EIF4EBP1: variants seen among roughly 807,000 people sequenced by gnomAD.
EIF4EBP1 encodes the protein eukaryotic translation initiation factor 4E binding protein 1.
A neutral mutation model predicts 9.2 loss-of-function variants in EIF4EBP1; 5 were observed. The ratio of observed to expected loss-of-function variants is 0.54; its 90% CI spans 0.28 to 1.14. EIF4EBP1 has a LOEUF of 1.14. Among genes scored for constraint, EIF4EBP1 ranks in the 50% most tolerant of loss-of-function variants. The pLI is 0.09. For missense variants in EIF4EBP1, 139 were observed against 169.6 expected (o/e 0.82, Z 1.00); for synonymous variants, 62 against 67.0 (o/e 0.93, Z 0.36).
At chr8:38,058,471 C>G (rs757611683) in intron 2 of EIF4EBP1, among the ~76,000 whole-genome samples, 1 of 152,192 alleles carries the variant, frequency 6.6e-6, no homozygotes, top group African/African-American at 2.4e-5. Context: ...ACCCAATTAC[C>G]TCTTAACGGC....
intron 1 of EIF4EBP1, among the ~76,000 whole-genome samples, chr8:38,045,051 C>T (rs1170527638): frequency 1.3e-5 from 2 of 152,136 alleles, no homozygotes; most frequent in African/African-American, 2.4e-5. Flanking sequence ...TCTTTGGTTG[C>T]GTATGTTCTC....
At chr8:38,043,341 A>ATTTTC (rs750113204) in intron 1 of EIF4EBP1, among the ~76,000 whole-genome samples, 70 of 150,324 alleles carry the variant, frequency 4.7e-4, no homozygotes, top group Non-Finnish European at 7.5e-4. Flanking sequence ...GTCAAAGCCA[A>ATTTTC]TTTTCTTTTC....
intron 1 of EIF4EBP1, among the ~76,000 whole-genome samples, chr8:38,046,076 T>C (rs918784915): frequency 1.3e-5 from 2 of 152,108 alleles, no homozygotes; most frequent in Admixed American, 6.6e-5. Context: ...CTAATTTTTG[T>C]ATGTTTAATA....
chr8:38,039,717 T>C (rs937389505), intron 1 of EIF4EBP1, among the ~76,000 whole-genome samples: 3 of 152,116 alleles, frequency 2.0e-5, no homozygotes, highest in Non-Finnish European at 2.9e-5. Context: ...AATGCATTTT[T>C]GACTTAAGAT....
chr8:38,039,650 C>T (rs539086784), intron 1 of EIF4EBP1, among the ~76,000 whole-genome samples: 6 of 151,916 alleles, frequency 3.9e-5, no homozygotes, highest in African/African-American at 1.2e-4. Context: ...GTGATCTGCC[C>T]GCCTCAGCCT....
intron 1 of EIF4EBP1, among the ~76,000 whole-genome samples, chr8:38,054,853 A>G (rs909781881): frequency 6.6e-6 from 1 of 152,200 alleles, no homozygotes; most frequent in Non-Finnish European, 1.5e-5. Context: ...TAGAAGGTGC[A>G]TGGGTCTTTA....
At chr8:38,045,492 C>T (rs1306729210) in intron 1 of EIF4EBP1, among the ~76,000 whole-genome samples, 1 of 151,532 alleles carries the variant, frequency 6.6e-6, no homozygotes, top group Non-Finnish European at 1.5e-5. Flanking sequence ...ATTGCTTGAG[C>T]CCACAAGTTC....
intron 1 of EIF4EBP1, among the ~76,000 whole-genome samples, chr8:38,049,682 A>G (rs1809493249): frequency 6.6e-6 from 1 of 151,886 alleles, no homozygotes; most frequent in Non-Finnish European, 1.5e-5. Flanking sequence ...GGTTTTCACC[A>G]TGTTGTCTAG....
chr8:38,057,387 C>A, intron 2 of EIF4EBP1, 127 bp downstream of exon 2: 2 of 1,146,220 alleles, frequency 1.7e-6, no homozygotes, highest in Non-Finnish European at 2.4e-6. Flanking sequence ...CTCTAAGGAG[C>A]AGCTCAGAGC....
intron 1 of EIF4EBP1, among the ~76,000 whole-genome samples, chr8:38,035,247 C>G (rs540573465): frequency 6.6e-6 from 1 of 152,100 alleles, no homozygotes; most frequent in African/African-American, 2.4e-5. Context: ...GACAGAGTTT[C>G]GCTCTTGTTG....
intron 1 of EIF4EBP1, among the ~76,000 whole-genome samples, chr8:38,047,799 G>A (rs1809465586): frequency 1.3e-5 from 2 of 152,078 alleles, no homozygotes; most frequent in Admixed American, 1.3e-4. Flanking sequence ...TCACTTTTTT[G>A]ATAAATGAGG....
intron 1 of EIF4EBP1, among the ~76,000 whole-genome samples, chr8:38,031,817 G>A (rs1809226351): frequency 6.6e-6 from 1 of 152,184 alleles, no homozygotes; most frequent in Non-Finnish European, 1.5e-5. Flanking sequence ...TACAGAGCCC[G>A]GCATTGAGGC....
At chr8:38,038,906 A>ATTTC (rs1563414886) in intron 1 of EIF4EBP1, among the ~76,000 whole-genome samples, 1 of 149,792 alleles carries the variant, frequency 6.7e-6, no homozygotes, top group Non-Finnish European at 1.5e-5. Flanking sequence ...ACATTATGAA[A>ATTTC]TTTCTTTCTT....
At chr8:38,034,443 G>A (rs1809272734) in intron 1 of EIF4EBP1, among the ~76,000 whole-genome samples, 1 of 152,150 alleles carries the variant, frequency 6.6e-6, no homozygotes, top group Non-Finnish European at 1.5e-5. Context: ...AATTGCCGAA[G>A]GGAGTGTCAT....
chr8:38,052,266 C>CTTT (rs879655309), intron 1 of EIF4EBP1, among the ~76,000 whole-genome samples: 14 of 143,920 alleles, frequency 9.7e-5, no homozygotes, highest in African/African-American at 3.6e-4. Flanking sequence ...TAAGGTTTGT[C>CTTT]TTTTTTTTTT....
intron 2 of EIF4EBP1, among the ~76,000 whole-genome samples, chr8:38,058,584 C>A (rs1380833579): frequency 6.6e-6 from 1 of 152,162 alleles, no homozygotes; most frequent in Non-Finnish European, 1.5e-5. Context: ...TTCTCATATA[C>A]ACATATATTA....
At chr8:38,049,096 T>C (rs1380818525) in intron 1 of EIF4EBP1, among the ~76,000 whole-genome samples, 1 of 144,978 alleles carries the variant, frequency 6.9e-6, no homozygotes, top group African/African-American at 2.6e-5. Flanking sequence ...TTGCACTCCA[T>C]CCTGGGCAAC....
chr8:38,036,142 A>G (rs1042877878), intron 1 of EIF4EBP1, among the ~76,000 whole-genome samples: 2 of 151,864 alleles, frequency 1.3e-5, no homozygotes, highest in African/African-American at 2.4e-5. Flanking sequence ...AGTAGCTGGG[A>G]CCACAAACCC....
chr8:38,033,967 C>G (rs369617168), intron 1 of EIF4EBP1, among the ~76,000 whole-genome samples: 5 of 151,948 alleles, frequency 3.3e-5, no homozygotes, highest in Non-Finnish European at 5.9e-5. Flanking sequence ...AGGATGGTCT[C>G]GATCTCCTGA....
Sources: gnomAD v4.1 joint callset for allele counts (sites outside exome capture counted in the v4.1 genomes callset) on GRCh38, gnomAD v4.1.1 for gene constraint, MANE v1.5 for transcripts, NCBI Gene and HGNC (gene_info 2026-07-23, HGNC 2026-07-21) for gene names.